Variants in SIDT1 observed in about 807,000 individuals in gnomAD.
The protein encoded by SIDT1 is SID1 transmembrane family member 1.
SIDT1 carries 101 observed loss-of-function variants against 107.5 expected under a neutral mutation model. That is an observed-to-expected ratio of 0.94 (90% CI 0.80 to 1.11). The LOEUF is 1.11. Among genes scored for constraint, SIDT1 ranks in the 50% least tolerant of loss-of-function variants. SIDT1 has a pLI of 0.00. For missense variants in SIDT1, 1,076 were observed against 1,058.2 expected (o/e 1.02, Z -0.23); for synonymous variants, 395 against 398.2 (o/e 0.99, Z 0.10).
At chr3:113,541,263 G>T (rs867712953) in intron 1 of SIDT1, among the ~76,000 whole-genome samples, 4 of 151,928 alleles carry the variant, frequency 2.6e-5, no homozygotes, top group Non-Finnish European at 5.9e-5. Context: ...TCTGCCTCCC[G>T]GGTTCAAGAA....
chr3:113,635,194 T>C, the SIDT1 span, among the ~76,000 whole-genome samples: 2 of 152,204 alleles, frequency 1.3e-5, no homozygotes, highest in Non-Finnish European at 1.5e-5. Flanking sequence ...TGGTTATTTA[T>C]TTTCTAAAAA....
chr3:113,610,893 A>G (rs1328050023), intron 17 of SIDT1, 115 bp from the exon 18 acceptor site: 8 of 1,304,740 alleles, frequency 6.1e-6, no homozygotes, highest in Non-Finnish European at 8.5e-6. Context: ...GCGGGTAGAA[A>G]ATAGTCCATG....
chr3:113,625,504 C>T (rs903714341), intron 23 of SIDT1, among the ~76,000 whole-genome samples: 23 of 152,152 alleles, frequency 1.5e-4, no homozygotes, highest in African/African-American at 5.6e-4. Context: ...TACTAATTTA[C>T]ATTCCCACCA....
intron 1 of SIDT1, among the ~76,000 whole-genome samples, chr3:113,560,336 A>G (rs1400096863): frequency 3.3e-5 from 5 of 152,044 alleles, no homozygotes; most frequent in African/African-American, 4.8e-5. Context: ...CTACCATCAT[A>G]CTCATCACAT....
chr3:113,598,705 T>C (rs1944749728), intron 10 of SIDT1, among the ~76,000 whole-genome samples: 1 of 152,234 alleles, frequency 6.6e-6, no homozygotes, highest in African/African-American at 2.4e-5. Context: ...TATGATAAAA[T>C]ATATGGTAAA....
Position 113,604,902 on chromosome 3 carries a change from C to T in SIDT1, c.1338-8C>T. On this transcript the variant is annotated splice_region_variant and splice_polypyrimidine_tract_variant and intron_variant, in intron 13 of 24. Coordinates refer to ENST00000264852, the MANE Select transcript of SIDT1 (RefSeq NM_017699.3). ...AATAAGCATTTCTGGTTCTTTCTGCCTGCATAGGAACATCATCACCATTGC... is the reference window on the plus strand; with the variant it reads ...AATAAGCATTTCTGGTTCTTTCTGCTTGCATAGGAACATCATCACCATTGC... The T allele has an allele frequency of 1.2e-6, 2 of 1,614,048 alleles. No individual in the cohort carries two copies. The highest frequency in any genetic ancestry group is 1.7e-6 in the Non-Finnish European group (2 of 1,179,988).
At chr3:113,533,338 G>C in intron 1 of SIDT1, 95 bp downstream of exon 1, 1 of 965,994 alleles carries the variant, frequency 1.0e-6, no homozygotes, top group Non-Finnish European at 1.4e-6. Context: ...GACCTTGGGA[G>C]ACTTCGGGGA....
At chr3:113,596,646 C>G (rs2107628368) in intron 10 of SIDT1, among the ~76,000 whole-genome samples, 1 of 152,302 alleles carries the variant, frequency 6.6e-6, no homozygotes, top group South Asian at 2.1e-4. Context: ...AAGAAAGGCT[C>G]TGTGCTCTAA....
chr3:113,606,170 C>G (rs1192106733), intron 14 of SIDT1, among the ~76,000 whole-genome samples: 1 of 152,166 alleles, frequency 6.6e-6, no homozygotes, highest in African/African-American at 2.4e-5. Context: ...GCCAAGGTCA[C>G]TTATATGGCC....
chr3:113,557,465 A>C (rs138453718), intron 1 of SIDT1, among the ~76,000 whole-genome samples: 1 of 152,332 alleles, frequency 6.6e-6, no homozygotes, highest in Non-Finnish European at 1.5e-5. Context: ...AAATACTTAT[A>C]AGAAGAGGGA....
intron 1 of SIDT1, among the ~76,000 whole-genome samples, chr3:113,564,633 T>A (rs1941734496): frequency 6.6e-6 from 1 of 152,130 alleles, no homozygotes; most frequent in African/African-American, 2.4e-5. Context: ...CAAGGATGAA[T>A]CTCCAGTTTC....
At chr3:113,568,315 G>A (rs762863536) in intron 3 of SIDT1, among the ~76,000 whole-genome samples, 2 of 152,062 alleles carry the variant, frequency 1.3e-5, no homozygotes, top group African/African-American at 4.8e-5. Flanking sequence ...GTAAATTAAG[G>A]CCGGGTGTGG....
chr3:113,601,077 G>T (rs945219300), intron 10 of SIDT1, among the ~76,000 whole-genome samples: 2 of 152,214 alleles, frequency 1.3e-5, no homozygotes, highest in Admixed American at 1.3e-4. Context: ...GGATCTCCAA[G>T]GCCATTGCAT....
intron 9 of SIDT1, among the ~76,000 whole-genome samples, chr3:113,586,380 C>T (rs1943747709): frequency 1.3e-5 from 2 of 152,114 alleles, no homozygotes; most frequent in Admixed American, 6.5e-5. Context: ...GCTACCCATT[C>T]GGGAAAGGAG....
At chr3:113,605,124 CTTTTTTT>C (rs5851901) in intron 14 of SIDT1, 148 bp downstream of exon 14, 10 of 347,030 alleles carry the variant, frequency 2.9e-5, no homozygotes, top group East Asian at 5.7e-5. Flanking sequence ...ATTGCTTCCT[CTTTTTTT>C]TTTTTTTTTT....
chr3:113,578,131 A>G (rs1234973619), intron 4 of SIDT1, among the ~76,000 whole-genome samples: 1 of 152,244 alleles, frequency 6.6e-6, no homozygotes, highest in South Asian at 2.1e-4. Context: ...GAAATATTTT[A>G]AAAGCACTAA....
intron 1 of SIDT1, among the ~76,000 whole-genome samples, chr3:113,544,231 G>T (rs530037379): frequency 6.6e-6 from 1 of 151,776 alleles, no homozygotes; most frequent in Non-Finnish European, 1.5e-5. Context: ...TCCCTCTGTC[G>T]CCAGGATGGA....
Position 113,585,253 on chromosome 3 carries a change from G to A in SIDT1, c.984G>A (p.Gly328=), listed in dbSNP as rs371390092. The change falls in exon 9 of 25, where the codon GGG becomes GGA. Residue 328 remains glycine, a synonymous_variant. Coordinates refer to ENST00000264852, the MANE Select transcript of SIDT1 (RefSeq NM_017699.3). The part of the protein sequence containing the change: ...LSFYLGCLLV[G]FVHYLRFQRK... The stretch of plus-strand genomic sequence containing the variant: ...TCTACTTGGGATGCCTTCTTGTTGG[G>A]TTTGTTCATTATCTGAGGTAGGTCA... 2.4e-5 allele frequency: 39 copies of A among 1,612,348 alleles called. No individual in the cohort carries two copies. The highest frequency in any genetic ancestry group is 2.9e-5 in the Non-Finnish European group (34 of 1,178,702).
Position 113,619,705 on chromosome 3 carries a change from G to A in SIDT1, c.2069G>A (p.Gly690Glu), listed in dbSNP as rs772273556. 12 of 1,614,008 alleles carry A rather than the reference G, an allele frequency of 7.4e-6. No individual in the cohort carries two copies. Among genetic ancestry groups the A allele is most frequent in the Non-Finnish European group, 8.5e-6 (10 of 1,179,924 alleles). ...YMDRMVLLVV[G>E]NLVNWSFALF... is the part of the protein sequence containing the mutation. ...GATAGAATGGTGTTGCTGGTTGTGG[G>A]GAATCTGGTTAACTGGTCCTTGTAA... The change falls in exon 21 of 25, where the codon GGG becomes GAG. Residue 690 changes from glycine (G) to glutamate (E), a missense_variant. Coordinates refer to ENST00000264852, the MANE Select transcript of SIDT1 (RefSeq NM_017699.3).
Sources: gnomAD v4.1 joint callset for allele counts (sites outside exome capture counted in the v4.1 genomes callset) on GRCh38, gnomAD v4.1.1 for gene constraint, MANE v1.5 for transcripts, NCBI Gene and HGNC (gene_info 2026-07-23, HGNC 2026-07-21) for gene names.